Variants in TMTC2 observed in about 807,000 individuals in gnomAD.
TMTC2 encodes the protein transmembrane O-mannosyltransferase targeting cadherins 2.
Under a neutral mutation model 82.4 loss-of-function variants are expected in TMTC2, and 43 were observed. That is an observed-to-expected ratio of 0.52 (90% CI 0.41 to 0.67). TMTC2 has a LOEUF of 0.67. Among genes scored for constraint, TMTC2 ranks in the 30% least tolerant of loss-of-function variants. The pLI is 0.00. For missense variants in TMTC2, 919 were observed against 1,012.4 expected (o/e 0.91, Z 1.25); for synonymous variants, 408 against 381.9 (o/e 1.07, Z -0.80).
chr12:82,947,549 C>G (rs1160792458), intron 4 of TMTC2, among the ~76,000 whole-genome samples: 2 of 144,046 alleles, frequency 1.4e-5, no homozygotes, highest in African/African-American at 5.9e-5. Context: ...TCACCGTGGT[C>G]TCGATCTCCT....
chr12:82,724,953 A>T (rs1361027267), intron 1 of TMTC2, among the ~76,000 whole-genome samples: 1 of 152,132 alleles, frequency 6.6e-6, no homozygotes, highest in Non-Finnish European at 1.5e-5. Flanking sequence ...CGATCAGGGG[A>T]TGTGAAGGTA....
rs1423809922 is a variant in TMTC2, at chr12:82,930,449, A to G, written c.1502A>G (p.Asn501Ser). The G allele has an allele frequency of 1.3e-6, 2 of 1,594,182 alleles. No individual in the cohort carries two copies. The highest frequency in any genetic ancestry group is 8.6e-7 in the Non-Finnish European group (1 of 1,166,138). Reference sequence around the variant, plus strand: ...TTGGCAGCATGGGGTAACCTTGGAAATGTTCTGAAGAGTCAGAGCAAAATT... The same window carrying G: ...TTGGCAGCATGGGGTAACCTTGGAAGTGTTCTGAAGAGTCAGAGCAAAATT... ...NPAKAWGNLGNVLKSQSKISE... is the reference protein window; with the variant it reads ...NPAKAWGNLGSVLKSQSKISE... The change falls in exon 4 of 12, where the codon AAT becomes AGT. Residue 501 changes from asparagine to serine, a missense_variant. Asn to Ser is a conservative substitution (Grantham distance 46). Coordinates refer to ENST00000321196, the MANE Select transcript of TMTC2 (RefSeq NM_152588.3).
intron 10 of TMTC2, among the ~76,000 whole-genome samples, chr12:83,055,086 C>T (rs1882490803): frequency 6.6e-6 from 1 of 151,978 alleles, no homozygotes; most frequent in Non-Finnish European, 1.5e-5. Flanking sequence ...AGCTGTGCCA[C>T]CATCACCCAC....
intron 1 of TMTC2, among the ~76,000 whole-genome samples, chr12:82,692,049 T>A (rs1292589351): frequency 1.3e-5 from 2 of 152,222 alleles, no homozygotes; most frequent in African/African-American, 4.8e-5. Context: ...GTATATCTCA[T>A]CAATAAATTA....
chr12:83,064,799 T>C (rs2137478042), intron 11 of TMTC2, among the ~76,000 whole-genome samples: 1 of 152,126 alleles, frequency 6.6e-6, no homozygotes, highest in South Asian at 2.1e-4. Flanking sequence ...TTTAAAGCAT[T>C]CATTTAACAT....
intron 9 of TMTC2, among the ~76,000 whole-genome samples, chr12:83,049,096 CAG>C (rs1216159285): frequency 6.6e-6 from 1 of 152,148 alleles, no homozygotes; most frequent in East Asian, 1.9e-4. Flanking sequence ...CTTTGGCCAC[CAG>C]AGAGCATTTA....
intron 3 of TMTC2, among the ~76,000 whole-genome samples, chr12:82,905,377 CTA>C (rs1333409849): frequency 2.0e-5 from 3 of 152,086 alleles, no homozygotes; most frequent in African/African-American, 7.2e-5. Context: ...TTTGTTAACT[CTA>C]TGTCAATTTG....
Position 82,695,922 on chromosome 12 carries a change from T to A in TMTC2, c.83+8253T>A, listed in dbSNP as rs1012771298. Among the ~76,000 whole-genome samples the A allele has an allele frequency of 5.3e-5, 8 of 152,344 alleles. No homozygotes were observed. In the Middle Eastern group the frequency reaches 0.017, roughly 324 times the overall value. On this transcript the variant is annotated intron_variant, in intron 1 of 11. Coordinates refer to ENST00000321196, the MANE Select transcript of TMTC2 (RefSeq NM_152588.3). ...TTTTGTAAATTGGTTTTTGGCTACT[T>A]CTGCATTCCTATCTTCAGCTTTAAG...
intron 2 of TMTC2, among the ~76,000 whole-genome samples, chr12:82,880,321 C>A (rs192028555): frequency 5.3e-5 from 8 of 152,246 alleles, no homozygotes; most frequent in Admixed American, 5.2e-4. Flanking sequence ...ATCTGGTAAT[C>A]AACATTTATA....
chr12:82,831,880 C>T (rs917970805), intron 1 of TMTC2, among the ~76,000 whole-genome samples: 1 of 152,150 alleles, frequency 6.6e-6, no homozygotes, highest in African/African-American at 2.4e-5. Flanking sequence ...CAGTGAATCT[C>T]CTTCAGGATC....
At chr12:83,113,888 G>A (rs74673934) in intron 11 of TMTC2, among the ~76,000 whole-genome samples, 4 of 152,180 alleles carry the variant, frequency 2.6e-5, no homozygotes, top group South Asian at 2.1e-4. Flanking sequence ...CAGAGCATTC[G>A]AAATACTTTC....
At position 82,773,951 on chromosome 12, in the gene TMTC2, T is replaced by C. The variant is rs1481061141; in HGVS notation, c.84-83059T>C. ...TAATCCCTCATTGTGGTATAAGCTA[T>C]GTATATGTATTTTTAAAATGTAATA... On this transcript the variant is annotated intron_variant, in intron 1 of 11. Coordinates refer to ENST00000321196, the MANE Select transcript of TMTC2 (RefSeq NM_152588.3). Among the ~76,000 whole-genome samples the C allele has an allele frequency of 1.6e-4, 24 of 152,266 alleles. 2 individuals are homozygous for C. Among genetic ancestry groups the C allele is most frequent in the Non-Finnish European group, 2.9e-5 (2 of 68,016 alleles).
rs17010106 is a variant in TMTC2 at position 82,896,491 on chromosome 12, A to C, written c.1328A>C (p.Tyr443Ser). Residue 443 changes from tyrosine to serine, a missense_variant, in exon 3 of 12, where the codon TAT becomes TCT. Tyr to Ser is a moderately radical substitution (Grantham distance 144). Coordinates refer to ENST00000321196, the MANE Select transcript of TMTC2 (RefSeq NM_152588.3). ...LLITVGARALYVKVQKRFLKS... is the reference protein window; with the variant it reads ...LLITVGARALSVKVQKRFLKS... ...ATTACAGTGGGTGCTAGAGCCCTTT[A>C]TGTCAAAGTCCAAAAGCGGTTCCTC... 1,685 of 1,614,130 alleles carry C rather than the reference A, an allele frequency of 1.0e-3. 15 individuals carry two copies. The African/African-American group carries it at 0.02, about 19-fold the overall frequency.
At chr12:82,992,929 G>T (rs1258923193) in intron 8 of TMTC2, among the ~76,000 whole-genome samples, 1 of 151,970 alleles carries the variant, frequency 6.6e-6, no homozygotes, top group Non-Finnish European at 1.5e-5. Context: ...GGCATTAAAG[G>T]CCACATGAGA....
intron 1 of TMTC2, among the ~76,000 whole-genome samples, chr12:82,701,267 A>G (rs1205146048): frequency 6.6e-6 from 1 of 152,216 alleles, no homozygotes; most frequent in Admixed American, 6.5e-5. Flanking sequence ...GTATTGGAAA[A>G]GATTGTGTTA....
At chr12:82,911,215 G>A (rs529266689) in intron 3 of TMTC2, among the ~76,000 whole-genome samples, 53 of 152,038 alleles carry the variant, frequency 3.5e-4, no homozygotes, top group South Asian at 1.9e-3. Flanking sequence ...GTTTGGGTGT[G>A]GGGGGGCCAG....
At chr12:82,738,107 C>A (rs1875211758) in intron 1 of TMTC2, among the ~76,000 whole-genome samples, 1 of 152,144 alleles carries the variant, frequency 6.6e-6, no homozygotes, top group East Asian at 1.9e-4. Flanking sequence ...CCAAGGTAAA[C>A]AAGATAGTAT....
rs12820229 is a variant in TMTC2 at position 82,864,614 on chromosome 12, A to G, written c.654+7034A>G. On this transcript the variant is annotated intron_variant, in intron 2 of 11. Transcript: ENST00000321196. ...CCTCCCGGGTTCCAGCGATTCACCT[A>G]CCTCAGCCTCCCGAGTAGCTGGGAC... 7.0e-5 allele frequency among the ~76,000 whole-genome samples: 10 copies of G among 143,376 alleles called. No individual in the cohort carries two copies. The East Asian group carries it at 1.5e-3, about 21-fold the overall frequency. 94.1% of individuals were successfully genotyped at this position (143,376 alleles called of 152,430 possible). A position where few individuals can be genotyped will look rare whatever the true frequency, so the allele number is the denominator to read the frequency against.
At chr12:82,929,964 A>G (rs912780691) in intron 3 of TMTC2, among the ~76,000 whole-genome samples, 3 of 152,166 alleles carry the variant, frequency 2.0e-5, no homozygotes, top group Admixed American at 2.0e-4. Flanking sequence ...AAGCTTCTTT[A>G]TAGCTTTGAT....
Sources: allele counts gnomAD v4.1 joint callset (sites outside exome capture counted in the v4.1 genomes callset), GRCh38; gene constraint gnomAD v4.1.1; transcripts MANE v1.5; gene names NCBI Gene and HGNC (gene_info 2026-07-23, HGNC 2026-07-21).